Variants in PDE8A observed in about 807,000 individuals in gnomAD.
PDE8A encodes the protein phosphodiesterase 8A.
A neutral mutation model predicts 105.0 loss-of-function variants in PDE8A; 59 were observed. That is an observed-to-expected ratio of 0.56 (90% CI 0.46 to 0.70). The LOEUF (loss-of-function observed/expected upper bound fraction) is 0.70, where lower values mean the gene tolerates loss of function less well. Among genes scored for constraint, PDE8A ranks in the 30% least tolerant of loss-of-function variants. The pLI is 0.00. For missense variants in PDE8A, 1,014 were observed against 1,045.9 expected (o/e 0.97, Z 0.42); for synonymous variants, 355 against 371.9 (o/e 0.95, Z 0.52).
rs372055731 is a variant in PDE8A at position 85,016,013 on chromosome 15, G to A, written c.186+33665G>A. Among the ~76,000 whole-genome samples the A allele has an allele frequency of 4.4e-4, 67 of 152,090 alleles. 1 individual carries two copies. The highest frequency in any genetic ancestry group is 9.6e-4 in the East Asian group (5 of 5,196). ...GTGCTGAGTGTGTTGGTGCACATCC[G>A]TAATCCCAGCTACTTGGGAGGCTGA... On this transcript the variant is annotated intron_variant, in intron 1 of 21. Coordinates refer to ENST00000394553, the MANE Select transcript of PDE8A (RefSeq NM_002605.3).
intron 16 of PDE8A, among the ~76,000 whole-genome samples, chr15:85,116,558 G>C (rs994481416): frequency 1.3e-4 from 20 of 152,204 alleles, no homozygotes; most frequent in Non-Finnish European, 1.5e-5. Context: ...ATCCTCATCT[G>C]GGTGTGATCA....
At chr15:84,990,644 G>A (rs2079872702) in intron 1 of PDE8A, among the ~76,000 whole-genome samples, 1 of 152,108 alleles carries the variant, frequency 6.6e-6, no homozygotes, top group African/African-American at 2.4e-5. Flanking sequence ...TGGATACTAG[G>A]GCTGTTTCTA....
intron 1 of PDE8A, among the ~76,000 whole-genome samples, chr15:85,053,467 T>C (rs2081008545): frequency 6.6e-6 from 1 of 152,242 alleles, no homozygotes; most frequent in Non-Finnish European, 1.5e-5. Context: ...GGAATGTTCT[T>C]CCATTTGTTT....
chr15:85,004,847 CTT>C (rs35818984), intron 1 of PDE8A, among the ~76,000 whole-genome samples: 122 of 140,366 alleles, frequency 8.7e-4, no homozygotes, highest in Non-Finnish European at 9.2e-4. Flanking sequence ...TTTTAATATT[CTT>C]TTTTTTTTTT....
chr15:85,084,071 G>C (rs1214924727), intron 6 of PDE8A, among the ~76,000 whole-genome samples: 7 of 148,132 alleles, frequency 4.7e-5, no homozygotes, highest in Non-Finnish European at 7.5e-5. Flanking sequence ...TTTTTTTTAA[G>C]TGACATGAGT....
At chr15:85,009,316 G>C (rs2080203370) in intron 1 of PDE8A, among the ~76,000 whole-genome samples, 1 of 152,142 alleles carries the variant, frequency 6.6e-6, no homozygotes, top group Non-Finnish European at 1.5e-5. Flanking sequence ...TTTTCAAAGT[G>C]ACTACTAGAA....
At chr15:84,993,442 CAA>C (rs11362736) in intron 1 of PDE8A, among the ~76,000 whole-genome samples, 119 of 73,108 alleles carry the variant, frequency 1.6e-3, no homozygotes, top group African/African-American at 4.4e-3. Context: ...GACTCCATCT[CAA>C]AAAAAAAAAA....
At chr15:84,994,377 G>A (rs1371737949) in intron 1 of PDE8A, among the ~76,000 whole-genome samples, 3 of 152,206 alleles carry the variant, frequency 2.0e-5, no homozygotes, top group Admixed American at 2.0e-4. Context: ...AAATCCCTAA[G>A]TGTACAGCTT....
chr15:85,016,035 C>G (rs754302221), intron 1 of PDE8A, among the ~76,000 whole-genome samples: 3 of 152,106 alleles, frequency 2.0e-5, no homozygotes, highest in African/African-American at 4.8e-5. Context: ...ACTTGGGAGG[C>G]TGAGGCATAA....
chr15:85,025,004 T>C (rs567901341), intron 1 of PDE8A, among the ~76,000 whole-genome samples: 32 of 152,358 alleles, frequency 2.1e-4, no homozygotes, highest in Admixed American at 1.0e-3. Flanking sequence ...AAATTAGATT[T>C]ATCTGGTGTT....
At chr15:84,985,107 T>C (rs56229097) in intron 1 of PDE8A, among the ~76,000 whole-genome samples, 5,739 of 152,238 alleles carry the variant, frequency 0.038, 373 homozygotes, top group African/African-American at 0.13. Flanking sequence ...CCTAAACTAG[T>C]TGATTGTGGA....
chr15:85,078,559 AAAAAAAAAAAAG>A (rs1357339728), intron 5 of PDE8A, among the ~76,000 whole-genome samples: 249 of 127,444 alleles, frequency 2.0e-3, no homozygotes, highest in African/African-American at 0.011. Flanking sequence ...AAAAAAAAAA[AAAAAAAAAAAAG>A]AAAGAAAAGA....
At chr15:85,033,824 C>T (rs528428766) in intron 1 of PDE8A, among the ~76,000 whole-genome samples, 50 of 152,198 alleles carry the variant, frequency 3.3e-4, no homozygotes, top group African/African-American at 1.2e-3. Flanking sequence ...AAGATTGTGC[C>T]GCTGCACTCC....
At chr15:85,096,401 AC>A (rs948431329) in intron 8 of PDE8A, among the ~76,000 whole-genome samples, 1 of 152,118 alleles carries the variant, frequency 6.6e-6, no homozygotes, top group Non-Finnish European at 1.5e-5. Context: ...TGAGGCTGCA[AC>A]AAGCCATGGT....
rs569400938 is a variant in PDE8A, at chr15:85,115,456, A to G, written c.1368A>G (p.Leu456=). 49 of 1,545,038 alleles carry G rather than the reference A, an allele frequency of 3.2e-5. No homozygotes were observed. Among genetic ancestry groups the G allele is most frequent in the Admixed American group, 6.5e-5 (3 of 46,236 alleles). The part of the protein sequence containing the change: ...GGLMSDGLRR[L]SGNEYVLSTK... ...TTTATCAGGATGGTTTGCGAAGACT[A>G]TCAGGGAATGAATATGTTCTTTCAA... The change falls in exon 15 of 22, where the codon CTA becomes CTG. Residue 456 remains leucine, a synonymous_variant. Coordinates refer to ENST00000394553, the MANE Select transcript of PDE8A (RefSeq NM_002605.3).
chr15:85,001,152 G>A (rs1043088499), intron 1 of PDE8A, among the ~76,000 whole-genome samples: 7 of 152,132 alleles, frequency 4.6e-5, no homozygotes, highest in South Asian at 2.1e-4. Flanking sequence ...TGAATGCCTC[G>A]AGTACTCACA....
chr15:85,038,569 G>A (rs1288972223), intron 1 of PDE8A, among the ~76,000 whole-genome samples: 2 of 152,086 alleles, frequency 1.3e-5, no homozygotes, highest in Non-Finnish European at 2.9e-5. Flanking sequence ...GCTGCAGACT[G>A]GGAGAAAAGA....
At chr15:85,011,806 G>C (rs1259262108) in intron 1 of PDE8A, among the ~76,000 whole-genome samples, 1 of 152,036 alleles carries the variant, frequency 6.6e-6, no homozygotes, top group Non-Finnish European at 1.5e-5. Flanking sequence ...ATCTGACAAA[G>C]GGCTAATATC....
At chr15:85,041,332 C>T (rs938301794) in intron 1 of PDE8A, among the ~76,000 whole-genome samples, 1 of 152,202 alleles carries the variant, frequency 6.6e-6, no homozygotes, top group Non-Finnish European at 1.5e-5. Context: ...TGTTATCAGA[C>T]ATTGCTTATT....
Sources: gnomAD v4.1 joint callset for allele counts (sites outside exome capture counted in the v4.1 genomes callset) on GRCh38, gnomAD v4.1.1 for gene constraint, MANE v1.5 for transcripts, NCBI Gene and HGNC (gene_info 2026-07-23, HGNC 2026-07-21) for gene names.